Variants in TMEM178B observed in about 807,000 individuals in gnomAD.
TMEM178B encodes transmembrane protein 178B.
In TMEM178B, 5 loss-of-function variants were observed where a neutral mutation model predicts 31.0. The ratio of observed to expected loss-of-function variants is 0.16; its 90% CI spans 0.08 to 0.34. The LOEUF is 0.34. Ranked by LOEUF, TMEM178B falls within the 10% of genes least tolerant of loss-of-function variation. The probability of loss-of-function intolerance (pLI) is 1.00; values close to 1 mark genes in which losing one functional copy is unlikely to be tolerated. For synonymous variants in TMEM178B, 164 were observed against 164.0 expected (o/e 1.00, Z 0.00); for missense variants, 275 against 400.3 (o/e 0.69, Z 2.67).
intron 1 of TMEM178B, among the ~76,000 whole-genome samples, chr7:141,087,780 C>A (rs1586760980): frequency 6.6e-6 from 1 of 152,134 alleles, no homozygotes; most frequent in Non-Finnish European, 1.5e-5. Context: ...GCCAAGAGTC[C>A]TTATGTTAAG....
rs28417697 is a variant in TMEM178B, at chr7:141,155,654, C to T, written c.383-56937C>T. 7.5e-3 allele frequency among the ~76,000 whole-genome samples: 1,146 copies of T among 152,318 alleles called. 18 individuals are homozygous for T. Among genetic ancestry groups the T allele is most frequent in the African/African-American group, 0.026 (1,090 of 41,574 alleles). The stretch of plus-strand genomic sequence containing the variant: ...AGGCTAGCATCTGAGGTGCCAGTAG[C>T]CCTGGCAACCTGCTGGCTCTTCAAG... On this transcript the variant is annotated intron_variant, in intron 1 of 3. Coordinates refer to ENST00000565468, the MANE Select transcript of TMEM178B (RefSeq NM_001195278.2).
downstream of TMEM178B, among the ~76,000 whole-genome samples, chr7:141,484,867 A>G (rs1802531027): frequency 6.6e-6 from 1 of 152,034 alleles, no homozygotes; most frequent in Admixed American, 6.6e-5. The surrounding 1 kb of genome is among the most constrained non-coding windows in gnomAD (Gnocchi z 4.8). Flanking sequence ...CTGCTAGTAT[A>G]TTTTATCTAG....
intron 1 of TMEM178B, among the ~76,000 whole-genome samples, chr7:141,192,735 G>A (rs1193530739): frequency 2.0e-5 from 3 of 152,126 alleles, no homozygotes; most frequent in African/African-American, 7.2e-5. Flanking sequence ...CAAAGTGCTG[G>A]GATTACAGGC....
chr7:141,220,904 A>G (rs916650965), intron 2 of TMEM178B, among the ~76,000 whole-genome samples: 4 of 152,170 alleles, frequency 2.6e-5, no homozygotes, highest in African/African-American at 7.2e-5. Flanking sequence ...TGGAGGGGAT[A>G]TTAAAAGGTA....
intron 3 of TMEM178B, among the ~76,000 whole-genome samples, chr7:141,452,431 T>C (rs922064067): frequency 6.6e-6 from 1 of 152,256 alleles, no homozygotes; most frequent in Non-Finnish European, 1.5e-5. Context: ...CCTTGCAGAT[T>C]GGTCTATTAC....
At chr7:141,195,390 C>T (rs947531088) in intron 1 of TMEM178B, among the ~76,000 whole-genome samples, 17 of 152,224 alleles carry the variant, frequency 1.1e-4, no homozygotes, top group African/African-American at 4.1e-4. Flanking sequence ...CAAAGTTCCA[C>T]AAATCTCTCA....
chr7:141,463,951 A>G (rs1802105667), intron 3 of TMEM178B, among the ~76,000 whole-genome samples: 1 of 152,170 alleles, frequency 6.6e-6, no homozygotes, highest in South Asian at 2.1e-4. Flanking sequence ...AGAGAATCAT[A>G]ATCTGATTAA....
At chr7:141,502,725 G>A in the TMEM178B span, among the ~76,000 whole-genome samples, 4 of 151,160 alleles carry the variant, frequency 2.6e-5, no homozygotes, top group Non-Finnish European at 4.4e-5. Flanking sequence ...AGCTGAGAGC[G>A]TGCCATTGCA....
intron 2 of TMEM178B, among the ~76,000 whole-genome samples, chr7:141,268,314 T>C (rs1586860431): frequency 1.3e-5 from 2 of 152,176 alleles, no homozygotes; most frequent in African/African-American, 4.8e-5. Context: ...AGTGAAATCA[T>C]TGATGTTTTA....
At chr7:141,469,969 C>A (rs550623343) in intron 3 of TMEM178B, among the ~76,000 whole-genome samples, 1 of 152,206 alleles carries the variant, frequency 6.6e-6, no homozygotes, top group East Asian at 1.9e-4. Context: ...GATCTCATAG[C>A]GTTAGCACTC....
intron 2 of TMEM178B, among the ~76,000 whole-genome samples, chr7:141,282,116 C>A (rs564054406): frequency 6.6e-6 from 1 of 151,880 alleles, no homozygotes; most frequent in Non-Finnish European, 1.5e-5. Context: ...AAAAACTGGT[C>A]GAAAGAAGAG....
chr7:141,198,256 C>A (rs900076586), intron 1 of TMEM178B, among the ~76,000 whole-genome samples: 2 of 152,154 alleles, frequency 1.3e-5, no homozygotes, highest in African/African-American at 4.8e-5. Flanking sequence ...AAATGCCTGG[C>A]CTTGGCCTTC....
chr7:141,194,107 C>A (rs1302810169), intron 1 of TMEM178B, among the ~76,000 whole-genome samples: 3 of 152,124 alleles, frequency 2.0e-5, no homozygotes, highest in Non-Finnish European at 4.4e-5. Context: ...CTGGGAGATA[C>A]AATTCAAGTT....
In TMEM178B at chr7:141,288,205, T is replaced by A. The variant is rs924765250; in HGVS notation, c.496+75501T>A. Among the ~76,000 whole-genome samples the A allele has an allele frequency of 2.3e-4, 32 of 140,250 alleles. No individual in the cohort carries two copies. In the Admixed American group the frequency reaches 2.3e-3, roughly 10 times the overall value. 92.0% of individuals were successfully genotyped at this position (140,250 alleles called of 152,430 possible). ...TTAGATGCCTCTACTCTTTTTTTTTTTCCCCCTCTGGGATTGTTTGTGATT... is the reference window on the plus strand; with the variant it reads ...TTAGATGCCTCTACTCTTTTTTTTTATCCCCCTCTGGGATTGTTTGTGATT... On this transcript the variant is annotated intron_variant, in intron 2 of 3. Coordinates refer to ENST00000565468, the MANE Select transcript of TMEM178B (RefSeq NM_001195278.2).
At chr7:141,399,169 C>G in intron 2 of TMEM178B, among the ~76,000 whole-genome samples, 1 of 152,208 alleles carries the variant, frequency 6.6e-6, no homozygotes, top group East Asian at 1.9e-4. Flanking sequence ...TGTTTCTTAT[C>G]TTCAGATGCC....
chr7:141,346,416 C>T (rs1799621544), intron 2 of TMEM178B, among the ~76,000 whole-genome samples: 2 of 152,198 alleles, frequency 1.3e-5, no homozygotes. Flanking sequence ...TTCCTTCTTT[C>T]CTAATTTATC....
At chr7:141,332,335 C>T (rs907870592) in intron 2 of TMEM178B, among the ~76,000 whole-genome samples, 2 of 152,184 alleles carry the variant, frequency 1.3e-5, no homozygotes, top group African/African-American at 4.8e-5. Flanking sequence ...CCTCCGTCGG[C>T]TCACTACCCT....
In TMEM178B at chr7:141,124,074, G is replaced by A. The variant is rs192385818; in HGVS notation, c.382+49382G>A. ...CAGGCCTGAACACTCTGTTTTTAAAGGTTTCAAACAGGCTGGGTGCGGTGG... is the reference window on the plus strand; with the variant it reads ...CAGGCCTGAACACTCTGTTTTTAAAAGTTTCAAACAGGCTGGGTGCGGTGG... On this transcript the variant is annotated intron_variant, in intron 1 of 3. Coordinates refer to ENST00000565468, the MANE Select transcript of TMEM178B (RefSeq NM_001195278.2). Among the ~76,000 whole-genome samples the A allele has an allele frequency of 2.5e-4, 38 of 152,050 alleles. No individual in the cohort carries two copies. In the East Asian group the frequency reaches 7.2e-3, roughly 29 times the overall value.
intron 1 of TMEM178B, among the ~76,000 whole-genome samples, chr7:141,182,191 G>T (rs1304907041): frequency 6.6e-6 from 1 of 152,152 alleles, no homozygotes; most frequent in Admixed American, 6.5e-5. Flanking sequence ...CTGGGCACTG[G>T]GGGAACTCAT....
Sources: allele counts gnomAD v4.1 joint callset (sites outside exome capture counted in the v4.1 genomes callset), GRCh38; gene constraint gnomAD v4.1.1; non-coding constraint Gnocchi (gnomAD v3.1); transcripts MANE v1.5; gene names NCBI Gene and HGNC (gene_info 2026-07-23, HGNC 2026-07-21).